WDR72: variants seen among roughly 807,000 people sequenced by gnomAD.
WDR72 encodes the protein WD repeat domain 72.
WDR72 carries 120 observed loss-of-function variants against 124.2 expected under a neutral mutation model. The observed-to-expected ratio is 0.97, with a 90% CI of 0.83 to 1.12. WDR72 has a LOEUF of 1.12. Ranked by LOEUF, WDR72 falls within the 50% of genes most tolerant of loss-of-function variation. WDR72 has a pLI of 0.00. For missense variants in WDR72, 1,387 were observed against 1,278.8 expected, an observed-to-expected ratio of 1.08 and a Z score of -1.29; for synonymous variants, 452 against 441.7, an observed-to-expected ratio of 1.02 and a Z score of -0.29.
chr15:53,585,635 C>T (rs1422884585), intron 18 of WDR72, among the ~76,000 whole-genome samples: 2 of 152,018 alleles, frequency 1.3e-5, no homozygotes, highest in Non-Finnish European at 2.9e-5. Context: ...CCAAAGGGTA[C>T]AGAGAAGTTT....
chr15:53,609,695 TA>T, intron 16 of WDR72, 103 bp from the exon 17 acceptor site: 1 of 941,192 alleles, frequency 1.1e-6, no homozygotes, highest in Non-Finnish European at 1.7e-6. Flanking sequence ...CTTTGTTTTT[TA>T]TAAACACCAA....
chr15:53,660,613 G>C (rs1357722266), intron 14 of WDR72, among the ~76,000 whole-genome samples: 1 of 151,948 alleles, frequency 6.6e-6, no homozygotes, highest in Non-Finnish European at 1.5e-5. Context: ...TGTCTAGAAA[G>C]CTCAACTAAA....
intron 1 of WDR72, among the ~76,000 whole-genome samples, chr15:53,748,072 G>T (rs2018686456): frequency 6.6e-6 from 1 of 150,818 alleles, no homozygotes; most frequent in Admixed American, 6.6e-5. Flanking sequence ...AATATCTATT[G>T]AGAACTAAAT....
At chr15:53,559,940 T>C (rs1444487697) in intron 18 of WDR72, among the ~76,000 whole-genome samples, 1 of 151,900 alleles carries the variant, frequency 6.6e-6, no homozygotes, top group South Asian at 2.1e-4. Flanking sequence ...GGATAATCAT[T>C]AGAAATAAAT....
intron 14 of WDR72, among the ~76,000 whole-genome samples, chr15:53,623,976 T>C (rs1276157886): frequency 6.6e-6 from 1 of 152,202 alleles, no homozygotes. Flanking sequence ...TGGCCACTTG[T>C]ATGTCTTCTT....
At chr15:53,673,829 A>T (rs1038285877) in intron 13 of WDR72, among the ~76,000 whole-genome samples, 2 of 152,094 alleles carry the variant, frequency 1.3e-5, no homozygotes, top group Non-Finnish European at 2.9e-5. Flanking sequence ...GTCTCTACTA[A>T]AAATACAAAA....
At chr15:53,705,675 C>T (rs1019885634) in intron 10 of WDR72, among the ~76,000 whole-genome samples, 1 of 152,128 alleles carries the variant, frequency 6.6e-6, no homozygotes, top group African/African-American at 2.4e-5. Flanking sequence ...GTTGCCCAGG[C>T]TGGTCTCGAA....
chr15:53,702,503 T>A (rs1272709293), intron 11 of WDR72, 149 bp from the exon 12 acceptor site: 21 of 669,506 alleles, frequency 3.1e-5, no homozygotes, highest in Non-Finnish European at 4.3e-5. Context: ...CATCCTTAGA[T>A]CATCTTGAAA....
chr15:53,644,180 G>A (rs1188230952), intron 14 of WDR72, among the ~76,000 whole-genome samples: 7 of 151,860 alleles, frequency 4.6e-5, no homozygotes, highest in African/African-American at 1.2e-4. Context: ...ACAAACAAAC[G>A]CAAACCAAAA....
At chr15:53,621,707 T>G (rs2014002458) in intron 14 of WDR72, among the ~76,000 whole-genome samples, 1 of 151,936 alleles carries the variant, frequency 6.6e-6, no homozygotes, top group South Asian at 2.1e-4. Flanking sequence ...TCTTGGGTGA[T>G]GGGTGCAACA....
chr15:53,664,805 T>C (rs556233350), intron 14 of WDR72, among the ~76,000 whole-genome samples: 7 of 152,120 alleles, frequency 4.6e-5, no homozygotes, highest in East Asian at 1.9e-4. Flanking sequence ...CCAGCAATGA[T>C]AGACACACCA....
At chr15:53,583,236 T>C (rs562575191) in intron 18 of WDR72, among the ~76,000 whole-genome samples, 123 of 152,118 alleles carry the variant, frequency 8.1e-4, no homozygotes, top group African/African-American at 2.9e-3. Flanking sequence ...TCATTTGATG[T>C]ATGAAAAAAG....
intron 18 of WDR72, among the ~76,000 whole-genome samples, chr15:53,588,629 C>A (rs1029289405): frequency 6.6e-6 from 1 of 151,966 alleles, no homozygotes; most frequent in African/African-American, 2.4e-5. Flanking sequence ...ATAATTTTTC[C>A]TTCAGCCACC....
intron 13 of WDR72, among the ~76,000 whole-genome samples, chr15:53,673,970 A>C (rs369281273): frequency 9.2e-5 from 14 of 152,258 alleles, no homozygotes; most frequent in Middle Eastern, 3.4e-3. Context: ...CAGCTTGGGC[A>C]ACAAGAGTGA....
intron 14 of WDR72, among the ~76,000 whole-genome samples, chr15:53,662,181 G>A (rs1456241684): frequency 6.6e-6 from 1 of 152,110 alleles, no homozygotes; most frequent in Non-Finnish European, 1.5e-5. Context: ...ATAAATCTAA[G>A]AAAAGCAGTT....
At chr15:53,695,911 A>G (rs758593091) in intron 13 of WDR72, among the ~76,000 whole-genome samples, 1 of 152,200 alleles carries the variant, frequency 6.6e-6, no homozygotes, top group Non-Finnish European at 1.5e-5. Flanking sequence ...ACTTTCCTCT[A>G]TAATCGAGGA....
At chr15:53,649,338 C>T (rs1024574030) in intron 14 of WDR72, among the ~76,000 whole-genome samples, 14 of 152,098 alleles carry the variant, frequency 9.2e-5, no homozygotes, top group African/African-American at 3.4e-4. Context: ...AAAAACATTG[C>T]CAACCCCTGG....
chr15:53,571,851 T>G (rs1242603234), intron 18 of WDR72, among the ~76,000 whole-genome samples: 1 of 152,018 alleles, frequency 6.6e-6, no homozygotes, highest in African/African-American at 2.4e-5. Context: ...AGTGTGCAAG[T>G]GTTCCCTTTT....
intron 18 of WDR72, among the ~76,000 whole-genome samples, chr15:53,568,562 G>A (rs1052704579): frequency 2.0e-5 from 3 of 151,926 alleles, no homozygotes; most frequent in Non-Finnish European, 4.4e-5. Flanking sequence ...CTTCTGTAAC[G>A]ATCCCAACTT....
Sources: gnomAD v4.1 joint callset for allele counts (sites outside exome capture counted in the v4.1 genomes callset) on GRCh38, gnomAD v4.1.1 for gene constraint, MANE v1.5 for transcripts, NCBI Gene and HGNC (gene_info 2026-07-23, HGNC 2026-07-21) for gene names.